Variants in ZNF804A observed in about 807,000 individuals in gnomAD.
ZNF804A encodes zinc finger protein 804A.
A neutral mutation model predicts 16.5 loss-of-function variants in ZNF804A; 2 were observed. The observed-to-expected ratio is 0.12, with a 90% CI of 0.05 to 0.38. The LOEUF is 0.38. ZNF804A is among the 10% of genes least tolerant of loss of function. ZNF804A has a pLI of 0.99. For synonymous variants in ZNF804A, 534 were observed against 489.6 expected (o/e 1.09, Z -1.20); for missense variants, 1,473 against 1,390.7 (o/e 1.06, Z -0.94).
rs562297083 is a variant in ZNF804A, at chr2:184,614,466, A to C, written c.111+15396A>C. On this transcript the variant is annotated intron_variant, in intron 1 of 3. Coordinates refer to ENST00000302277, the MANE Select transcript of ZNF804A (RefSeq NM_194250.2). ...TAATTAAACTAAAGAGCTTCTGCACAGCAAAAGAAACTATCATCAGAGTGA... is the reference window on the plus strand; with the variant it reads ...TAATTAAACTAAAGAGCTTCTGCACCGCAAAAGAAACTATCATCAGAGTGA... 3.9e-5 allele frequency among the ~76,000 whole-genome samples: 6 copies of C among 152,334 alleles called. No homozygotes were observed. The East Asian group carries it at 1.2e-3, about 29-fold the overall frequency.
rs1443144829 is a variant in ZNF804A at position 184,731,128 on chromosome 2, G to C, written c.111+132058G>C. ...TCGGCAGGTGTGGTGGCAGGCGCCT[G>C]TAATCCCAGCTACTCAGGAGGCTGA... is the stretch of plus-strand genomic sequence containing the variant. On this transcript the variant is annotated intron_variant, in intron 1 of 3. Transcript: ENST00000302277. Among the ~76,000 whole-genome samples, 4 of 151,426 alleles carry C rather than the reference G, an allele frequency of 2.6e-5. No homozygotes were observed. The East Asian group carries it at 7.8e-4, about 30-fold the overall frequency.
At chr2:184,638,152 G>A (rs570409429) in intron 1 of ZNF804A, among the ~76,000 whole-genome samples, 32 of 152,056 alleles carry the variant, frequency 2.1e-4, no homozygotes, top group Non-Finnish European at 3.8e-4. Flanking sequence ...GAGCTGTTAG[G>A]TTTGCTCAGG....
chr2:184,625,891 C>T (rs1018484330), intron 1 of ZNF804A, among the ~76,000 whole-genome samples: 5 of 151,944 alleles, frequency 3.3e-5, no homozygotes, highest in Admixed American at 6.6e-5. Flanking sequence ...TTTTTTGAGA[C>T]GGAGTCTCGT....
chr2:184,689,925 C>T (rs1243520242), intron 1 of ZNF804A, among the ~76,000 whole-genome samples: 2 of 151,936 alleles, frequency 1.3e-5, no homozygotes, highest in Non-Finnish European at 2.9e-5. Context: ...CATTAGATGA[C>T]ATAATTTTCC....
intron 1 of ZNF804A, among the ~76,000 whole-genome samples, chr2:184,717,936 G>A (rs1693241028): frequency 6.6e-6 from 1 of 152,076 alleles, no homozygotes; most frequent in African/African-American, 2.4e-5. Context: ...TTTTCACCCT[G>A]TTATTCAATA....
At chr2:184,774,879 C>A (rs1463514188) in intron 1 of ZNF804A, among the ~76,000 whole-genome samples, 1 of 151,008 alleles carries the variant, frequency 6.6e-6, no homozygotes, top group Non-Finnish European at 1.5e-5. Flanking sequence ...TGGCCATAAA[C>A]AAAGCAGCTA....
intron 1 of ZNF804A, among the ~76,000 whole-genome samples, chr2:184,681,546 A>G (rs937182306): frequency 2.0e-5 from 3 of 152,252 alleles, no homozygotes; most frequent in Non-Finnish European, 4.4e-5. Flanking sequence ...TAATATGACC[A>G]TATGCCAGGA....
At chr2:184,841,915 G>C (rs181524151) in intron 1 of ZNF804A, among the ~76,000 whole-genome samples, 113 of 152,166 alleles carry the variant, frequency 7.4e-4, no homozygotes, top group Middle Eastern at 3.4e-3. Context: ...TAAGACCCCA[G>C]GCAAATAATC....
intron 1 of ZNF804A, among the ~76,000 whole-genome samples, chr2:184,826,276 A>G (rs1695168134): frequency 6.6e-6 from 1 of 152,056 alleles, no homozygotes; most frequent in Admixed American, 6.6e-5. Context: ...TTTGTTCTTT[A>G]AAATTTTGTC....
intron 1 of ZNF804A, among the ~76,000 whole-genome samples, chr2:184,687,857 G>A (rs1034148560): frequency 3.9e-5 from 6 of 152,144 alleles, no homozygotes; most frequent in African/African-American, 9.7e-5. Flanking sequence ...GGTGGTTCAC[G>A]CCTGTAATCC....
intron 3 of ZNF804A, among the ~76,000 whole-genome samples, chr2:184,934,675 G>A (rs1052433912): frequency 2.6e-5 from 4 of 152,016 alleles, no homozygotes; most frequent in East Asian, 3.9e-4. Context: ...GTAACTTAAC[G>A]CTCTACAAAT....
chr2:184,909,521 C>G (rs574021984), intron 2 of ZNF804A, among the ~76,000 whole-genome samples: 10 of 152,066 alleles, frequency 6.6e-5, no homozygotes, highest in African/African-American at 2.2e-4. Context: ...GAAATGTCAT[C>G]ATATTTATTG....
intron 1 of ZNF804A, among the ~76,000 whole-genome samples, chr2:184,682,312 A>G (rs1296984117): frequency 6.6e-6 from 1 of 152,218 alleles, no homozygotes; most frequent in Admixed American, 6.5e-5. Context: ...CAAGGACCCC[A>G]TTACGTTATG....
chr2:184,909,856 G>A (rs1188181718), intron 2 of ZNF804A, among the ~76,000 whole-genome samples: 2 of 151,942 alleles, frequency 1.3e-5, no homozygotes, highest in African/African-American at 2.4e-5. Context: ...TGTGATCCCT[G>A]CAATTGTTCA....
At chr2:184,611,546 T>C (rs1691239718) in intron 1 of ZNF804A, among the ~76,000 whole-genome samples, 2 of 152,152 alleles carry the variant, frequency 1.3e-5, no homozygotes. Context: ...GCTTGCTCTT[T>C]TGGGAAGCTT....
chr2:184,793,395 T>C (rs1461636742), intron 1 of ZNF804A, among the ~76,000 whole-genome samples: 3 of 152,108 alleles, frequency 2.0e-5, no homozygotes, highest in Admixed American at 6.6e-5. Flanking sequence ...CCACCCACAG[T>C]GTATAAGTGT....
intron 2 of ZNF804A, among the ~76,000 whole-genome samples, chr2:184,893,328 C>G (rs1045423848): frequency 1.3e-5 from 2 of 151,898 alleles, no homozygotes; most frequent in African/African-American, 4.8e-5. Flanking sequence ...AATCGTTTAT[C>G]TATTCAGTTG....
intron 1 of ZNF804A, among the ~76,000 whole-genome samples, chr2:184,620,656 C>T (rs998734657): frequency 6.6e-5 from 10 of 151,476 alleles, no homozygotes; most frequent in Admixed American, 2.0e-4. Flanking sequence ...AAGTCATTTT[C>T]AAGGACAGTA....
At chr2:184,691,843 C>T (rs1211707410) in intron 1 of ZNF804A, among the ~76,000 whole-genome samples, 1 of 151,716 alleles carries the variant, frequency 6.6e-6, no homozygotes, top group Admixed American at 6.6e-5. Context: ...TAAGTGAGAG[C>T]ACAGTGATCC....
Sources: gnomAD v4.1 joint callset for allele counts (sites outside exome capture counted in the v4.1 genomes callset) on GRCh38, gnomAD v4.1.1 for gene constraint, MANE v1.5 for transcripts, NCBI Gene and HGNC (gene_info 2026-07-23, HGNC 2026-07-21) for gene names.